The following WTIP variants were observed in gnomAD, a reference collection of about 807,000 sequenced individuals.
The protein encoded by WTIP is Wilms tumor protein 1-interacting protein.
WTIP carries 23 observed loss-of-function variants against 41.7 expected under a neutral mutation model. That is an observed-to-expected ratio of 0.55 (90% CI 0.40 to 0.78). The LOEUF (loss-of-function observed/expected upper bound fraction) is 0.78, where lower values mean the gene tolerates loss of function less well. Ranked by LOEUF, WTIP falls within the 30% of genes least tolerant of loss-of-function variation. The probability of loss-of-function intolerance (pLI) is 0.00; values close to 1 mark genes in which losing one functional copy is unlikely to be tolerated. For synonymous variants in WTIP, 314 were observed against 269.9 expected (o/e 1.16, Z -1.60); for missense variants, 619 against 610.5 (o/e 1.01, Z -0.15).
chr19:34,482,031 C>T lies in WTIP; in HGVS notation c.57C>T (p.Ala19=). Residue 19 remains alanine, a synonymous_variant, in exon 1 of 8, where the codon GCC becomes GCT. Coordinates refer to ENST00000590071, the MANE Select transcript of WTIP (RefSeq NM_001080436.2). The stretch of plus-strand genomic sequence containing the variant: ...CGGCCCTACTCCTGGCCGGGCTGGC[C>T]CTGCGGGAGCTGGAGCCCGGGTGCG... ...DEAALLLAGL[A]LRELEPGCGS... 9.7e-7 allele frequency: 1 copy of T among 1,027,420 alleles called. No homozygotes were observed. The highest frequency in any genetic ancestry group is 1.2e-6 in the Non-Finnish European group (1 of 858,612). 63.6% of individuals were successfully genotyped at this position (1,027,420 alleles called of 1,614,324 possible).
chr19:34,496,659 T>G (rs2075855442), intron 7 of WTIP, among the ~76,000 whole-genome samples: 1 of 143,228 alleles, frequency 7.0e-6, no homozygotes, highest in Non-Finnish European at 1.5e-5. Flanking sequence ...TTGGCAAGTG[T>G]CTGGATGTGG....
chr19:34,498,593 T>A (rs1219000864), intron 7 of WTIP: 4 of 152,398 alleles, frequency 2.6e-5, no homozygotes, highest in Non-Finnish European at 4.4e-5. Flanking sequence ...GGTGGTCTCC[T>A]GTTTTGTCTT....
rs1348648013 is a variant in WTIP, at chr19:34,509,844, A to G, written c.*9575A>G. On this transcript the variant is annotated 3_prime_UTR_variant, in exon 8 of 8. Transcript: ENST00000590071. Reference sequence around the variant, plus strand: ...GGGTTACAGGACCCATGCAAGTCCAAAATCCAGCGGGGCAGTCAAATTTTG... The same window carrying G: ...GGGTTACAGGACCCATGCAAGTCCAGAATCCAGCGGGGCAGTCAAATTTTG... 2 of 152,218 alleles carry G rather than the reference A, an allele frequency of 1.3e-5. No individual in the cohort carries two copies. The highest frequency in any genetic ancestry group is 2.4e-5 in the African/African-American group (1 of 41,450). The allele number at this position is 152,218 out of a possible 1,614,324, so 9.4% of individuals were successfully genotyped here.
chr19:34,500,151 G>A lies in WTIP; in HGVS notation c.1175G>A (p.Gly392Glu), dbSNP rs777471055. The change falls in exon 8 of 8, where the codon GGG (glycine) becomes GAG (glutamate). Residue 392 changes from glycine to glutamate, a missense_variant. Physicochemically the swap from Gly to Glu is moderately conservative, Grantham distance 98. This residue lies in a region of WTIP where 92 missense variants were observed against 82.4 expected (regional missense o/e 1.12). Coordinates refer to ENST00000590071, the MANE Select transcript of WTIP (RefSeq NM_001080436.2). ...TAGGACTGCGGGCTGCAGCTGAGCG[G>A]GGAGGAGGGACGCCGTTGCTATCCC... ...HCEDCGLQLS[G>E]EEGRRCYPLA... 22 of 1,600,802 alleles carry A rather than the reference G, an allele frequency of 1.4e-5. No individual in the cohort carries two copies. In the South Asian group the frequency reaches 2.3e-4, roughly 17 times the overall value.
chr19:34,502,129 T>A lies in WTIP; in HGVS notation c.*1860T>A, dbSNP rs1312680925. ...GCCACCACGCCCGGCTAATTTTGTATTTTTAGTAGAGATGGGGTTTCACCA... is the reference window on the plus strand; with the variant it reads ...GCCACCACGCCCGGCTAATTTTGTAATTTTAGTAGAGATGGGGTTTCACCA... On this transcript the variant is annotated 3_prime_UTR_variant, in exon 8 of 8. Transcript: ENST00000590071. The A allele has an allele frequency of 1.3e-5, 2 of 152,218 alleles. No individual in the cohort carries two copies. The allele number at this position is 152,218 out of a possible 1,614,324, so 9.4% of individuals were successfully genotyped here. A position where few individuals can be genotyped will look rare whatever the true frequency, so the allele number is the denominator to read the frequency against.
rs1270506690 is a variant in WTIP at position 34,482,458 on chromosome 19, C to T, written c.484C>T (p.Pro162Ser). The change falls in exon 1 of 8, where the codon CCC becomes TCC. Residue 162 changes from proline to serine, a missense_variant. Pro to Ser is a moderately conservative substitution (Grantham distance 74, BLOSUM62 -1). Transcript: ENST00000590071. ...SAGAYADFLPPGACPAPARSP... is the reference protein window; with the variant it reads ...SAGAYADFLPSGACPAPARSP... ...CGGCGCCTACGCTGACTTCCTCCCG[C>T]CCGGCGCCTGCCCCGCGCCCGCTCG... The T allele has an allele frequency of 7.8e-7, 1 of 1,283,562 alleles. No homozygotes were observed. 79.5% of individuals were successfully genotyped at this position (1,283,562 alleles called of 1,614,324 possible). A position where few individuals can be genotyped will look rare whatever the true frequency, so the allele number is the denominator to read the frequency against.
chr19:34,485,920 C>T (rs80260193), intron 1 of WTIP, among the ~76,000 whole-genome samples: 23,122 of 152,100 alleles, frequency 0.15, 2,149 homozygotes, highest in Non-Finnish European at 0.21. Flanking sequence ...TGTCCAACCC[C>T]TCATCTCTTC....
chr19:34,493,475 G>A lies in WTIP; in HGVS notation c.901-17G>A. ...GCCTCCTGCCCGCGCTGACCCCTCA[G>A]TGTGCCCCGCCCACAGATCCTGCAG... On this transcript the variant is annotated splice_polypyrimidine_tract_variant and intron_variant, in intron 4 of 7. Coordinates refer to ENST00000590071, the MANE Select transcript of WTIP (RefSeq NM_001080436.2). This position sits in a 1 kb window ranked among gnomAD's most constrained non-coding sequence, Gnocchi z 4.1. 1.2e-6 allele frequency: 2 copies of A among 1,613,030 alleles called. No homozygotes were observed. Among genetic ancestry groups the A allele is most frequent in the African/African-American group, 1.3e-5 (1 of 75,036 alleles).
intron 7 of WTIP, 61 bp from the exon 8 acceptor site, chr19:34,500,068 C>T: frequency 5.7e-6 from 9 of 1,572,878 alleles, no homozygotes; most frequent in South Asian, 2.3e-5. Flanking sequence ...TCCCCCGTCC[C>T]GTGACCTCTG....
At position 34,481,943 on chromosome 19, in the gene WTIP, G is replaced by A; in HGVS notation, c.-32G>A. 1.0e-6 allele frequency: 1 copy of A among 992,218 alleles called. No individual in the cohort carries two copies. The highest frequency in any genetic ancestry group is 1.1e-4 in the East Asian group (1 of 9,212). The allele number at this position is 992,218 out of a possible 1,614,324, so 61.5% of individuals were successfully genotyped here. A position where few individuals can be genotyped will look rare whatever the true frequency, so the allele number is the denominator to read the frequency against. On this transcript the variant is annotated 5_prime_UTR_variant, in exon 1 of 8. Coordinates refer to ENST00000590071, the MANE Select transcript of WTIP (RefSeq NM_001080436.2). The stretch of plus-strand genomic sequence containing the variant: ...GGAGCGGCGGCGGGAAGCGGAGGCG[G>A]AGGTGACGCGCCAGGGCCGGCGGGC...
chr19:34,496,966 A>G (rs184434642), intron 7 of WTIP, among the ~76,000 whole-genome samples: 1 of 151,890 alleles, frequency 6.6e-6, no homozygotes, highest in Non-Finnish European at 1.5e-5. Context: ...GGGTTCAAGC[A>G]ATTCTCCTGC....
Position 34,492,604 on chromosome 19 carries a change from G to T in WTIP, c.770-433G>T, listed in dbSNP as rs547002746. Among the ~76,000 whole-genome samples, 28 of 149,870 alleles carry T rather than the reference G, an allele frequency of 1.9e-4. No homozygotes were observed. The South Asian group carries it at 5.9e-3, about 32-fold the overall frequency. On this transcript the variant is annotated intron_variant, in intron 2 of 7. Coordinates refer to ENST00000590071, the MANE Select transcript of WTIP (RefSeq NM_001080436.2). The stretch of plus-strand genomic sequence containing the variant: ...CTTGGGAGGGTGAGGCAGGAGAATC[G>T]CTTGAACCCGGGAGTCAGAGGTTGC...
chr19:34,493,700 G>A lies in WTIP; in HGVS notation c.1031+78G>A. 1.3e-6 allele frequency: 2 copies of A among 1,586,932 alleles called. No individual in the cohort carries two copies. Among genetic ancestry groups the A allele is most frequent in the Non-Finnish European group, 1.7e-6 (2 of 1,163,940 alleles). ...CCTCTGGAAGCATTTTTTTCCTGCTGGACTGACTGCCCTTTGTTCTTGGCC... is the reference window on the plus strand; with the variant it reads ...CCTCTGGAAGCATTTTTTTCCTGCTAGACTGACTGCCCTTTGTTCTTGGCC... On this transcript the variant is annotated intron_variant, in intron 5 of 7. Transcript: ENST00000590071. This position sits in a 1 kb window ranked among gnomAD's most constrained non-coding sequence, Gnocchi z 4.1.
rs906682754 is a variant in WTIP at position 34,503,299 on chromosome 19, C to G, written c.*3030C>G. ...CGGAGCTGTGCATGGCAGTTCCCTC[C>G]GTGGGAGCCACTCTCCCGGGGTTTC... is the stretch of plus-strand genomic sequence containing the variant. On this transcript the variant is annotated 3_prime_UTR_variant, in exon 8 of 8. Transcript: ENST00000590071. 1 of 151,936 alleles carries G rather than the reference C, an allele frequency of 6.6e-6. No individual in the cohort carries two copies. The highest frequency in any genetic ancestry group is 1.5e-5 in the Non-Finnish European group (1 of 68,008). 9.4% of individuals were successfully genotyped at this position (151,936 alleles called of 1,614,324 possible).
In WTIP at chr19:34,508,960, A is replaced by AAT. The variant is rs2075923710; in HGVS notation, c.*8692_*8693dup. 1.3e-5 allele frequency: 2 copies of AAT among 152,212 alleles called. No homozygotes were observed. Among genetic ancestry groups the AAT allele is most frequent in the Non-Finnish European group, 2.9e-5 (2 of 68,042 alleles). The allele number at this position is 152,212 out of a possible 1,614,324, so 9.4% of individuals were successfully genotyped here. On this transcript the variant is annotated 3_prime_UTR_variant, in exon 8 of 8. Transcript: ENST00000590071. ...TACGTTCATTGTGGTACATTTAGGA[A>AAT]ATTTAAATGATTTATTTCTTATAAA... is the stretch of plus-strand genomic sequence containing the variant.
At position 34,482,594 on chromosome 19, in the gene WTIP, G is replaced by C. The variant is rs1386924426; in HGVS notation, c.620G>C (p.Arg207Pro). The C allele has an allele frequency of 5.7e-6, 7 of 1,229,826 alleles. No homozygotes were observed. Among genetic ancestry groups the C allele is most frequent in the Non-Finnish European group, 5.1e-6 (5 of 987,050 alleles). The allele number at this position is 1,229,826 out of a possible 1,614,324, so 76.2% of individuals were successfully genotyped here. The change falls in exon 1 of 8, where the codon CGG becomes CCG. Residue 207 changes from arginine (R) to proline (P), a missense_variant. Physicochemically the swap from Arg to Pro is moderately radical, Grantham distance 103. Around this residue, in one of 3 missense-constraint regions of WTIP, gnomAD observed 363 missense variants for 309.0 expected, o/e 1.17. Transcript: ENST00000590071. ...GAGCGGCGGCTGGAGGCGCTCACCC[G>C]GGAGCTGGAGCGGGCGCTCGAGGCG... ...AAERRLEALT[R>P]ELERALEART...
rs192044173 is a variant in WTIP, at chr19:34,499,739, A to C, written c.1153-390A>C. 4.8e-3 allele frequency among the ~76,000 whole-genome samples: 708 copies of C among 147,396 alleles called. 5 individuals are homozygous for C. The highest frequency in any genetic ancestry group is 7.7e-3 in the Non-Finnish European group (514 of 67,188). On this transcript the variant is annotated intron_variant, in intron 7 of 7. Coordinates refer to ENST00000590071, the MANE Select transcript of WTIP (RefSeq NM_001080436.2). ...TTTGAGATGGAGTTTCGCTGTTGTC[A>C]CCCAGGCTGGAATGCAATGGCAGGC...
chr19:34,507,887 C>A lies in WTIP; in HGVS notation c.*7618C>A, dbSNP rs536992932. On this transcript the variant is annotated 3_prime_UTR_variant, in exon 8 of 8. Transcript: ENST00000590071. Reference sequence around the variant, plus strand: ...GTCCCACACATCTCCTGGAGCAGAGCCTGATTCCCAGCCTCTGTAGCTGGT... The same window carrying A: ...GTCCCACACATCTCCTGGAGCAGAGACTGATTCCCAGCCTCTGTAGCTGGT... 6.6e-6 allele frequency: 1 copy of A among 152,340 alleles called. No individual in the cohort carries two copies. Among genetic ancestry groups the A allele is most frequent in the African/African-American group, 2.4e-5 (1 of 41,574 alleles). 9.4% of individuals were successfully genotyped at this position (152,340 alleles called of 1,614,324 possible).
rs1599957950 is a variant in WTIP, at chr19:34,493,469, C to A, written c.901-23C>A. The A allele has an allele frequency of 1.2e-6, 2 of 1,612,864 alleles. No homozygotes were observed. The highest frequency in any genetic ancestry group is 2.2e-5 in the South Asian group (2 of 90,978). The stretch of plus-strand genomic sequence containing the variant: ...TGCTGAGCCTCCTGCCCGCGCTGAC[C>A]CCTCAGTGTGCCCCGCCCACAGATC... On this transcript the variant is annotated intron_variant, in intron 4 of 7. Coordinates refer to ENST00000590071, the MANE Select transcript of WTIP (RefSeq NM_001080436.2). The surrounding 1 kb of genome is among the most constrained non-coding windows in gnomAD (Gnocchi z 4.1).
Sources: allele counts gnomAD v4.1 joint callset (sites outside exome capture counted in the v4.1 genomes callset), GRCh38; gene constraint gnomAD v4.1.1; regional missense constraint gnomAD v4.1.1; non-coding constraint Gnocchi (gnomAD v3.1); transcripts MANE v1.5; gene names NCBI Gene and HGNC (gene_info 2026-07-23, HGNC 2026-07-21).